Variants in MED12L observed in about 807,000 individuals in gnomAD.
MED12L encodes mediator complex subunit 12L, also known as mediator of RNA polymerase II transcription subunit 12-like protein.
In MED12L, 60 loss-of-function variants were observed where a neutral mutation model predicts 281.3. The observed-to-expected ratio is 0.21, with a 90% CI of 0.17 to 0.26. The LOEUF (loss-of-function observed/expected upper bound fraction) is 0.26, where lower values mean the gene tolerates loss of function less well. Ranked by LOEUF, MED12L falls within the 10% of genes least tolerant of loss-of-function variation. The pLI is 1.00. For synonymous variants in MED12L, 974 were observed against 987.2 expected (o/e 0.99, Z 0.25); for missense variants, 2,146 against 2,680.9 (o/e 0.80, Z 4.41).
intron 5 of MED12L, among the ~76,000 whole-genome samples, chr3:151,137,172 G>C (rs112577133): frequency 8.0e-6 from 1 of 125,704 alleles, no homozygotes; most frequent in African/African-American, 3.0e-5. Flanking sequence ...AAAAAAAAAA[G>C]AAAAAAAAAA....
intron 16 of MED12L, chr3:151,328,309 G>C (rs748602377): frequency 1.2e-6 from 2 of 1,613,566 alleles, no homozygotes; most frequent in Admixed American, 3.3e-5. Flanking sequence ...GCTTTTTGTT[G>C]TTTTTTCTGT....
At chr3:151,314,061 G>GAAA (rs1183655241) in intron 16 of MED12L, among the ~76,000 whole-genome samples, 1 of 152,152 alleles carries the variant, frequency 6.6e-6, no homozygotes, top group African/African-American at 2.4e-5. Context: ...TAGTACATTA[G>GAAA]AAAAGGTCAT....
chr3:151,182,017 A>G (rs1412501036), intron 11 of MED12L, among the ~76,000 whole-genome samples: 1 of 152,188 alleles, frequency 6.6e-6, no homozygotes, highest in Non-Finnish European at 1.5e-5. Context: ...TAATTTAGCT[A>G]AATTATTTTT....
intron 3 of MED12L, among the ~76,000 whole-genome samples, chr3:151,118,335 A>G (rs1284272721): frequency 1.3e-5 from 2 of 152,208 alleles, no homozygotes; most frequent in Admixed American, 6.5e-5. Context: ...ACACAAATAT[A>G]TAAATAATTG....
chr3:151,413,701 A>G (rs1717217141), intron 42 of MED12L, among the ~76,000 whole-genome samples: 1 of 152,216 alleles, frequency 6.6e-6, no homozygotes, highest in Admixed American at 6.5e-5. Flanking sequence ...GCATTCTGCA[A>G]TCTAAAAACA....
At chr3:151,380,459 T>G (rs1377059512) in intron 32 of MED12L, among the ~76,000 whole-genome samples, 1 of 152,038 alleles carries the variant, frequency 6.6e-6, no homozygotes, top group Non-Finnish European at 1.5e-5. Flanking sequence ...TAGCCGGGCA[T>G]GATGGTGTGC....
intron 36 of MED12L, among the ~76,000 whole-genome samples, chr3:151,387,593 C>T (rs1333091016): frequency 6.6e-6 from 1 of 152,074 alleles, no homozygotes; most frequent in African/African-American, 2.4e-5. Context: ...AACAGAGCAT[C>T]ATGTGGTTAA....
chr3:151,163,830 T>G, intron 8 of MED12L, 63 bp from the exon 9 acceptor site: 5 of 1,516,780 alleles, frequency 3.3e-6, no homozygotes, highest in Non-Finnish European at 4.5e-6. Context: ...GTTTTTACTG[T>G]TTAGCTATTG....
intron 16 of MED12L, among the ~76,000 whole-genome samples, chr3:151,266,360 A>G (rs1739833975): frequency 6.6e-6 from 1 of 152,226 alleles, no homozygotes; most frequent in South Asian, 2.1e-4. Flanking sequence ...GAAATCTCAA[A>G]CAGAAGAGAC....
chr3:151,409,494 G>T (rs935677243), intron 40 of MED12L, among the ~76,000 whole-genome samples, 162 bp downstream of exon 40: 5 of 152,320 alleles, frequency 3.3e-5, no homozygotes, highest in African/African-American at 1.2e-4. Context: ...GCATGATCAG[G>T]ATTGTTGAAG....
intron 16 of MED12L, among the ~76,000 whole-genome samples, chr3:151,211,721 C>A (rs1727199156): frequency 6.6e-6 from 1 of 152,152 alleles, no homozygotes; most frequent in South Asian, 2.1e-4. Context: ...AATCATGGCT[C>A]ACTGCAACCT....
intron 16 of MED12L, chr3:151,294,240 C>T: frequency 6.2e-7 from 1 of 1,613,804 alleles, no homozygotes; most frequent in Non-Finnish European, 8.5e-7. Context: ...CTGATGCTTT[C>T]ACTCCTGGTT....
chr3:151,246,627 G>A (rs1382476298), intron 16 of MED12L, among the ~76,000 whole-genome samples: 1 of 152,086 alleles, frequency 6.6e-6, no homozygotes, highest in African/African-American at 2.4e-5. Context: ...AATTCAAGAT[G>A]GATTAAAGAC....
At chr3:151,107,399 T>G (rs1439419981) in intron 2 of MED12L, among the ~76,000 whole-genome samples, 1 of 152,214 alleles carries the variant, frequency 6.6e-6, no homozygotes, top group Non-Finnish European at 1.5e-5. Flanking sequence ...GCCACTGTTA[T>G]GTGCTTTCTG....
At chr3:151,154,041 G>A (rs1306644808) in intron 5 of MED12L, among the ~76,000 whole-genome samples, 1 of 152,122 alleles carries the variant, frequency 6.6e-6, no homozygotes, top group Non-Finnish European at 1.5e-5. Context: ...GCCACTGTCC[G>A]CTCATTGGTC....
At chr3:151,176,068 G>A (rs750771960) in intron 11 of MED12L, among the ~76,000 whole-genome samples, 2 of 151,936 alleles carry the variant, frequency 1.3e-5, no homozygotes, top group African/African-American at 2.4e-5. Flanking sequence ...ATTAAGTTTC[G>A]TTCAGCCCAC....
intron 43 of MED12L, among the ~76,000 whole-genome samples, chr3:151,418,696 G>A (rs1386161876): frequency 6.6e-6 from 1 of 152,050 alleles, no homozygotes; most frequent in African/African-American, 2.4e-5. Context: ...TCCCCACTGT[G>A]AACTTATTAT....
chr3:151,149,952 A>T (rs185841303), intron 5 of MED12L, among the ~76,000 whole-genome samples: 2 of 152,260 alleles, frequency 1.3e-5, no homozygotes, highest in Middle Eastern at 3.4e-3. Flanking sequence ...TGCTGTTTCC[A>T]CATCTGTTGC....
intron 16 of MED12L, among the ~76,000 whole-genome samples, chr3:151,239,292 G>A (rs2149369532): frequency 6.6e-6 from 1 of 152,310 alleles, no homozygotes; most frequent in South Asian, 2.1e-4. Flanking sequence ...CATTGACATG[G>A]TTTTAGATCC....
Sources: allele counts gnomAD v4.1 joint callset (sites outside exome capture counted in the v4.1 genomes callset), GRCh38; gene constraint gnomAD v4.1.1; transcripts MANE v1.5; gene names NCBI Gene and HGNC (gene_info 2026-07-23, HGNC 2026-07-21).